BBIP1: variants seen among roughly 807,000 people sequenced by gnomAD.
The protein encoded by BBIP1 is BBSome-interacting protein 1.
A neutral mutation model predicts 8.9 loss-of-function variants in BBIP1; 6 were observed. That is an observed-to-expected ratio of 0.67 (90% CI 0.37 to 1.33). The LOEUF (loss-of-function observed/expected upper bound fraction) is 1.33, where lower values mean the gene tolerates loss of function less well. Ranked by LOEUF, BBIP1 falls within the 40% of genes most tolerant of loss-of-function variation. BBIP1 has a pLI of 0.02. For missense variants in BBIP1, 111 were observed against 109.2 expected, an observed-to-expected ratio of 1.02 and a Z score of -0.07; for synonymous variants, 32 against 33.4, an observed-to-expected ratio of 0.96 and a Z score of 0.14.
chr10:110,907,665 G>T (rs1052351751), intron 2 of BBIP1: 2 of 659,682 alleles, frequency 3.0e-6, no homozygotes, highest in African/African-American at 3.6e-5. Context: ...GATCTGAAAA[G>T]TGATTGTTCT....
intron 2 of BBIP1, among the ~76,000 whole-genome samples, chr10:110,914,213 G>C (rs1846341788): frequency 6.6e-6 from 1 of 152,150 alleles, no homozygotes; most frequent in Non-Finnish European, 1.5e-5. Context: ...TGAAGGAGTA[G>C]TCAGGAGCAA....
intron 2 of BBIP1, among the ~76,000 whole-genome samples, chr10:110,906,102 A>C (rs1028277784): frequency 6.7e-6 from 1 of 150,310 alleles, no homozygotes; most frequent in Non-Finnish European, 1.5e-5. Context: ...TCCCGGGTTC[A>C]TGCCATTCTC....
intron 2 of BBIP1, chr10:110,906,519 C>T (rs1277911556): frequency 1.3e-5 from 2 of 152,114 alleles, no homozygotes; most frequent in Admixed American, 6.5e-5. Context: ...AATTAGTTCA[C>T]GTATATACAT....
chr10:110,907,058 A>G (rs1846161108), intron 2 of BBIP1: 1 of 152,274 alleles, frequency 6.6e-6, no homozygotes, highest in Non-Finnish European at 1.5e-5. Context: ...TTGCAGAAGC[A>G]CTACTTACTT....
In BBIP1 at chr10:110,900,305, G is replaced by C. The variant is rs11195369; in HGVS notation, c.*55C>G. The C allele has an allele frequency of 1.7e-3, 2,378 of 1,437,078 alleles. 11 individuals are homozygous for C. The highest frequency in any genetic ancestry group is 0.016 in the African/African-American group (1,146 of 69,900). 89.0% of individuals were successfully genotyped at this position (1,437,078 alleles called of 1,614,324 possible). A position where few individuals can be genotyped will look rare whatever the true frequency, so the allele number is the denominator to read the frequency against. ...TCAGCACACAGAAGCATATTTTCTA[G>C]TTATTGTTAAATAGTAGATAAGGCA... is the stretch of plus-strand genomic sequence containing the variant. On this transcript the variant is annotated 3_prime_UTR_variant, in exon 4 of 4. Coordinates refer to ENST00000448814, the MANE Select transcript of BBIP1 (RefSeq NM_001195305.3).
At chr10:110,918,497 C>T (rs1373070831) in intron 1 of BBIP1, among the ~76,000 whole-genome samples, 6 of 152,198 alleles carry the variant, frequency 3.9e-5, no homozygotes, top group Non-Finnish European at 8.8e-5. Context: ...CTGAAGTTCC[C>T]GAATTCTCCT....
In BBIP1 at chr10:110,918,185, G is replaced by C. The variant is rs537877556; in HGVS notation, c.-28C>G. 1.3e-4 allele frequency: 192 copies of C among 1,532,116 alleles called. No homozygotes were observed. Among genetic ancestry groups the C allele is most frequent in the Non-Finnish European group, 1.6e-4 (181 of 1,143,476 alleles). 94.9% of individuals were successfully genotyped at this position (1,532,116 alleles called of 1,614,324 possible). On this transcript the variant is annotated 5_prime_UTR_variant, in exon 2 of 4. Transcript: ENST00000448814. ...AACCCGGTATTACCAAGATGACTTAGAGTTCTTGACTCAAGCATACAGAAG... is the reference window on the plus strand; with the variant it reads ...AACCCGGTATTACCAAGATGACTTACAGTTCTTGACTCAAGCATACAGAAG...
At chr10:110,915,121 T>C (rs4918610) in intron 2 of BBIP1, among the ~76,000 whole-genome samples, 10,961 of 152,244 alleles carry the variant, frequency 0.072, 782 homozygotes, top group East Asian at 0.3. Context: ...TTTCTGGAGT[T>C]CTTCAGAAAT....
chr10:110,911,800 C>G (rs1846283960), intron 2 of BBIP1: 2 of 152,090 alleles, frequency 1.3e-5, no homozygotes. Flanking sequence ...TATGCTACAT[C>G]TGTAGGATAG....
intron 1 of BBIP1, 141 bp downstream of exon 1, chr10:110,918,980 A>G (rs1846530499): frequency 6.6e-6 from 1 of 152,332 alleles, no homozygotes; most frequent in African/African-American, 2.4e-5. Context: ...TCGGAGCCCT[A>G]AACTGTTGTC....
At chr10:110,908,264 G>C (rs899876513) in intron 2 of BBIP1, 2 of 152,192 alleles carry the variant, frequency 1.3e-5, no homozygotes, top group Admixed American at 6.5e-5. Flanking sequence ...AATATGAAAA[G>C]ATAAAATCTT....
intron 2 of BBIP1, among the ~76,000 whole-genome samples, chr10:110,913,258 A>C (rs989939487): frequency 6.6e-6 from 1 of 152,202 alleles, no homozygotes; most frequent in African/African-American, 2.4e-5. Context: ...CTGGGTTGTA[A>C]GGGTCAAGTG....
Position 110,900,291 on chromosome 10 carries a change from A to G in BBIP1, c.*69T>C. Reference sequence around the variant, plus strand: ...AACACATACTACTTTCAGCACACAGAAGCATATTTTCTAGTTATTGTTAAA... The same window carrying G: ...AACACATACTACTTTCAGCACACAGGAGCATATTTTCTAGTTATTGTTAAA... On this transcript the variant is annotated 3_prime_UTR_variant, in exon 4 of 4. Coordinates refer to ENST00000448814, the MANE Select transcript of BBIP1 (RefSeq NM_001195305.3). 7.3e-7 allele frequency: 1 copy of G among 1,369,878 alleles called. No homozygotes were observed. Among genetic ancestry groups the G allele is most frequent in the South Asian group, 1.4e-5 (1 of 70,164 alleles). 84.9% of individuals were successfully genotyped at this position (1,369,878 alleles called of 1,614,324 possible). A position where few individuals can be genotyped will look rare whatever the true frequency, so the allele number is the denominator to read the frequency against.
intron 2 of BBIP1, 123 bp from the exon 3 acceptor site, chr10:110,901,735 T>C (rs1405818938): frequency 2.9e-6 from 2 of 698,744 alleles, no homozygotes; most frequent in Non-Finnish European, 5.0e-6. Context: ...CCTAACCTTG[T>C]ATAATATTGC....
intron 2 of BBIP1, among the ~76,000 whole-genome samples, chr10:110,913,533 T>C (rs1846326045): frequency 6.6e-6 from 1 of 152,222 alleles, no homozygotes; most frequent in African/African-American, 2.4e-5. Context: ...TTTTAAAAAG[T>C]ATGATAATAA....
chr10:110,905,814 TA>T (rs1166923576), intron 2 of BBIP1, among the ~76,000 whole-genome samples: 1 of 152,192 alleles, frequency 6.6e-6, no homozygotes, highest in Non-Finnish European at 1.5e-5. Flanking sequence ...CCAGCATATT[TA>T]AAAATAACTG....
chr10:110,902,653 T>C (rs1344271893), intron 2 of BBIP1: 1 of 152,390 alleles, frequency 6.6e-6, no homozygotes, highest in South Asian at 2.1e-4. Context: ...TATTCAAGTC[T>C]CTTCCTCTCT....
intron 2 of BBIP1, 56 bp downstream of exon 2, chr10:110,918,065 G>T (rs998121877): frequency 4.9e-6 from 7 of 1,432,318 alleles, no homozygotes; most frequent in Non-Finnish European, 6.6e-6. Flanking sequence ...AAGTCGAGAA[G>T]GTAGGTTTGC....
chr10:110,908,265 A>C (rs995615164), intron 2 of BBIP1: 1 of 152,308 alleles, frequency 6.6e-6, no homozygotes, highest in East Asian at 1.9e-4. Flanking sequence ...ATATGAAAAG[A>C]TAAAATCTTG....
Sources: gnomAD v4.1 joint callset for allele counts (sites outside exome capture counted in the v4.1 genomes callset) on GRCh38, gnomAD v4.1.1 for gene constraint, MANE v1.5 for transcripts, NCBI Gene and HGNC (gene_info 2026-07-23, HGNC 2026-07-21) for gene names.